ANKRD44: variants seen among roughly 807,000 people sequenced by gnomAD.
ANKRD44 encodes the protein serine/threonine-protein phosphatase 6 regulatory ankyrin repeat subunit B.
Under a neutral mutation model 116.0 loss-of-function variants are expected in ANKRD44, and 35 were observed. The observed-to-expected ratio is 0.30, with a 90% CI of 0.23 to 0.40. The LOEUF is 0.40. ANKRD44 is among the 10% of genes least tolerant of loss of function. ANKRD44 has a pLI of 1.00. For missense variants in ANKRD44, 1,014 were observed against 1,242.6 expected (o/e 0.82, Z 2.77); for synonymous variants, 435 against 461.8 (o/e 0.94, Z 0.74).
chr2:197,159,150 A>C (rs1426436326), intron 2 of ANKRD44, among the ~76,000 whole-genome samples: 3 of 152,228 alleles, frequency 2.0e-5, no homozygotes, highest in Non-Finnish European at 4.4e-5. Context: ...ACTCCCTGGA[A>C]TTAAAAGCAA....
chr2:197,018,805 C>T (rs1455487572), intron 17 of ANKRD44, among the ~76,000 whole-genome samples: 1 of 152,136 alleles, frequency 6.6e-6, no homozygotes, highest in East Asian at 1.9e-4. Flanking sequence ...GTTTTTTAAA[C>T]AGCAATTATT....
Position 197,013,615 on chromosome 2 carries a change from G to A in ANKRD44, c.1820C>T (p.Ala607Val). Residue 607 changes from alanine (A) to valine (V), a missense_variant, in exon 18 of 28, where the codon GCT becomes GTT. Transcript: ENST00000282272. The stretch of plus-strand genomic sequence containing the variant: ...ACATTCTGTGTGTCCTTTAAAGGCA[G>A]CCAGATCCAGAGCAGTGCGGCCTTT... ...DEKGRTALDL[A>V]AFKGHTECVE... 6.2e-7 allele frequency: 1 copy of A among 1,614,186 alleles called. No individual in the cohort carries two copies. Among genetic ancestry groups the A allele is most frequent in the Non-Finnish European group, 8.5e-7 (1 of 1,180,038 alleles).
At chr2:196,982,321 A>G (rs566940173), downstream of ANKRD44, among the ~76,000 whole-genome samples, 1 of 152,166 alleles carries the variant, frequency 6.6e-6, no homozygotes, top group South Asian at 2.1e-4. Context: ...AATTGGCGAT[A>G]GCAGAGTGGG....
intron 17 of ANKRD44, among the ~76,000 whole-genome samples, chr2:197,023,231 T>C (rs1213917190): frequency 6.6e-6 from 1 of 152,244 alleles, no homozygotes; most frequent in Non-Finnish European, 1.5e-5. Flanking sequence ...ACTGCTATTC[T>C]CATATCATGG....
At chr2:197,065,188 T>C (rs559382269) in intron 16 of ANKRD44, among the ~76,000 whole-genome samples, 29 of 152,198 alleles carry the variant, frequency 1.9e-4, no homozygotes, top group Non-Finnish European at 3.8e-4. Context: ...CTGAACAACC[T>C]GCTCCTGAAT....
chr2:197,208,880 A>G (rs941505919), intron 1 of ANKRD44, among the ~76,000 whole-genome samples: 12 of 152,218 alleles, frequency 7.9e-5, no homozygotes, highest in Non-Finnish European at 1.6e-4. Context: ...GTAAGCTTGG[A>G]GAAGAATAAC....
At chr2:197,291,053 A>G (rs1362719597) in intron 1 of ANKRD44, among the ~76,000 whole-genome samples, 5 of 152,072 alleles carry the variant, frequency 3.3e-5, no homozygotes, top group Non-Finnish European at 7.4e-5. Context: ...TACAAAAAAA[A>G]CAAAGATTTG....
chr2:197,084,235 T>C (rs1375758936), intron 13 of ANKRD44, among the ~76,000 whole-genome samples: 1 of 152,146 alleles, frequency 6.6e-6, no homozygotes, highest in African/African-American at 2.4e-5. Flanking sequence ...ACTGGATGAC[T>C]TGAGGCTTTC....
intron 2 of ANKRD44, among the ~76,000 whole-genome samples, chr2:197,173,878 C>T (rs1322415520): frequency 6.6e-6 from 1 of 152,026 alleles, no homozygotes; most frequent in Non-Finnish European, 1.5e-5. Flanking sequence ...ACTAACAATA[C>T]AAAAATTAGC....
rs746461555 is a variant in ANKRD44 at position 197,121,524 on chromosome 2, A to G, written c.714T>C (p.Tyr238=). Residue 238 remains tyrosine (Y), a synonymous_variant, in exon 8 of 28, where the codon TAT becomes TAC. Transcript: ENST00000282272. The part of the protein sequence containing the change: ...LGVEIDEINV[Y]GNTALHIACY... ...AGGCGATGTGAAGCGCTGTATTTCCATAGACATTGATTTCATCAATCTGCA... is the reference window on the plus strand; with the variant it reads ...AGGCGATGTGAAGCGCTGTATTTCCGTAGACATTGATTTCATCAATCTGCA... 2 of 1,614,166 alleles carry G rather than the reference A, an allele frequency of 1.2e-6. No homozygotes were observed. Among genetic ancestry groups the G allele is most frequent in the Non-Finnish European group, 1.7e-6 (2 of 1,180,014 alleles).
Position 197,246,675 on chromosome 2 carries a change from C to T in ANKRD44, c.28-59569G>A, listed in dbSNP as rs372841083. Among the ~76,000 whole-genome samples the T allele has an allele frequency of 5.9e-5, 9 of 152,222 alleles. No homozygotes were observed. The East Asian group carries it at 9.6e-4, about 16-fold the overall frequency. On this transcript the variant is annotated intron_variant, in intron 1 of 27. Transcript: ENST00000282272. Reference sequence around the variant, plus strand: ...GTTGCTGCTAGATTTATCTTCCTGACACACATTTTCTACACTTAAAACACC... The same window carrying T: ...GTTGCTGCTAGATTTATCTTCCTGATACACATTTTCTACACTTAAAACACC...
chr2:197,123,383 AT>A (rs1325437412), intron 6 of ANKRD44, among the ~76,000 whole-genome samples: 1 of 152,166 alleles, frequency 6.6e-6, no homozygotes, highest in African/African-American at 2.4e-5. Context: ...TCCTGTTAGC[AT>A]TTTTTTCTAC....
intron 16 of ANKRD44, among the ~76,000 whole-genome samples, chr2:197,067,029 A>G (rs1451546807): frequency 6.6e-6 from 1 of 152,212 alleles, no homozygotes; most frequent in East Asian, 1.9e-4. Flanking sequence ...CCTGACTTCA[A>G]ACTATACTAC....
chr2:197,048,392 A>C (rs1457884370), intron 16 of ANKRD44, among the ~76,000 whole-genome samples: 13 of 151,892 alleles, frequency 8.6e-5, no homozygotes, highest in Admixed American at 8.5e-4. Flanking sequence ...CCCTGTGTCC[A>C]AGTGTTCTCA....
chr2:197,287,386 T>C (rs1009419668), intron 1 of ANKRD44, among the ~76,000 whole-genome samples: 4 of 152,084 alleles, frequency 2.6e-5, no homozygotes, highest in African/African-American at 7.2e-5. Flanking sequence ...AAGAAAAGTG[T>C]AAGAAAAAGC....
chr2:197,272,834 T>C (rs966182966), intron 1 of ANKRD44, among the ~76,000 whole-genome samples: 3 of 152,122 alleles, frequency 2.0e-5, no homozygotes, highest in African/African-American at 7.2e-5. Context: ...TAAATTCCTG[T>C]TGTTTATGGG....
chr2:197,191,458 G>A (rs1343620954), intron 1 of ANKRD44, among the ~76,000 whole-genome samples: 2 of 152,124 alleles, frequency 1.3e-5, no homozygotes, highest in Non-Finnish European at 2.9e-5. Context: ...CTAATCAGCC[G>A]AAAGCCACTT....
chr2:197,082,219 A>G (rs1412673714), intron 14 of ANKRD44, among the ~76,000 whole-genome samples: 2 of 152,124 alleles, frequency 1.3e-5, no homozygotes, highest in African/African-American at 2.4e-5. Context: ...ACCACCCCCA[A>G]TCTATTCCAA....
intron 16 of ANKRD44, among the ~76,000 whole-genome samples, chr2:197,048,505 C>A (rs1464392662): frequency 6.6e-6 from 1 of 152,164 alleles, no homozygotes; most frequent in Non-Finnish European, 1.5e-5. Context: ...CATGTCCCTG[C>A]AAAGGACATG....
Sources: gnomAD v4.1 joint callset for allele counts (sites outside exome capture counted in the v4.1 genomes callset) on GRCh38, gnomAD v4.1.1 for gene constraint, MANE v1.5 for transcripts, NCBI Gene and HGNC (gene_info 2026-07-23, HGNC 2026-07-21) for gene names.